The following TEAD1 variants were observed in gnomAD, a reference collection of about 807,000 sequenced individuals.
TEAD1 encodes the protein TEA domain transcription factor 1.
Under a neutral mutation model 54.9 loss-of-function variants are expected in TEAD1, and 9 were observed. The ratio of observed to expected loss-of-function variants is 0.16; its 90% CI spans 0.10 to 0.29. The LOEUF is 0.29. Among genes scored for constraint, TEAD1 ranks in the 10% least tolerant of loss-of-function variants. TEAD1 has a pLI of 1.00. For missense variants in TEAD1, 387 were observed against 535.9 expected, an observed-to-expected ratio of 0.72 and a Z score of 2.74; for synonymous variants, 200 against 187.8, an observed-to-expected ratio of 1.07 and a Z score of -0.53.
At chr11:12,901,810 G>A in intron 9 of TEAD1, 130 bp from the exon 10 acceptor site, 1 of 1,014,644 alleles carries the variant, frequency 9.9e-7, no homozygotes, top group Middle Eastern at 3.0e-4. Context: ...CATTTCAAAA[G>A]CATTGATCCT....
intron 3 of TEAD1, among the ~76,000 whole-genome samples, chr11:12,789,921 T>C (rs75062746): frequency 0.051 from 7,788 of 152,340 alleles, 658 homozygotes; most frequent in African/African-American, 0.18. Context: ...GGGCTGCTGC[T>C]TCCAGCTGCT....
chr11:12,679,235 C>G (rs1362077188), intron 2 of TEAD1, among the ~76,000 whole-genome samples: 1 of 152,136 alleles, frequency 6.6e-6, no homozygotes, highest in Non-Finnish European at 1.5e-5. Flanking sequence ...ACTACACCCA[C>G]CCCGCCTTGT....
At chr11:12,881,741 T>C (rs1366930289) in intron 7 of TEAD1, among the ~76,000 whole-genome samples, 155 bp from the exon 8 acceptor site, 2 of 152,172 alleles carry the variant, frequency 1.3e-5, no homozygotes, top group African/African-American at 4.8e-5. Context: ...TCTCAGTTTA[T>C]GGAACAACTG....
intron 2 of TEAD1, among the ~76,000 whole-genome samples, chr11:12,707,441 T>A (rs1277887477): frequency 2.6e-5 from 4 of 152,242 alleles, no homozygotes; most frequent in African/African-American, 4.8e-5. Context: ...TCACAAAGTC[T>A]GTGCACCAGA....
At position 12,734,343 on chromosome 11, in the gene TEAD1, T is replaced by C. The variant is rs183971405; in HGVS notation, c.-54-29836T>C. Among the ~76,000 whole-genome samples, 11 of 152,356 alleles carry C rather than the reference T, an allele frequency of 7.2e-5. No homozygotes were observed. In the East Asian group the frequency reaches 7.7e-4, roughly 11 times the overall value. ...GTTTGTGTTTTTAAGCTAAGTGTTA[T>C]TACAAATGAGTCAAAAGTTAAAAAT... On this transcript the variant is annotated intron_variant, in intron 2 of 12. Transcript: ENST00000527636.
intron 3 of TEAD1, among the ~76,000 whole-genome samples, chr11:12,814,103 C>T (rs568728354): frequency 4.6e-5 from 7 of 152,304 alleles, no homozygotes; most frequent in African/African-American, 1.4e-4. Flanking sequence ...CTGCCTGCTA[C>T]GCTCACTGGT....
chr11:12,802,742 G>A (rs986031453), intron 3 of TEAD1, among the ~76,000 whole-genome samples: 7 of 152,196 alleles, frequency 4.6e-5, no homozygotes, highest in Non-Finnish European at 1.0e-4. Context: ...TGAGCGATGT[G>A]CCGATTGCGC....
chr11:12,693,846 A>G (rs1195061742), intron 2 of TEAD1, among the ~76,000 whole-genome samples: 10 of 152,216 alleles, frequency 6.6e-5, no homozygotes, highest in Non-Finnish European at 1.5e-4. Flanking sequence ...TACAAGCCTC[A>G]TAGTTCTTGG....
intron 9 of TEAD1, among the ~76,000 whole-genome samples, chr11:12,892,125 A>G (rs1160261977): frequency 6.6e-6 from 1 of 152,230 alleles, no homozygotes; most frequent in Non-Finnish European, 1.5e-5. Flanking sequence ...CAGTTGGTCA[A>G]ACGTGGGCCC....
chr11:12,921,772 C>T (rs1948811464), intron 10 of TEAD1, among the ~76,000 whole-genome samples: 1 of 151,992 alleles, frequency 6.6e-6, no homozygotes, highest in African/African-American at 2.4e-5. Flanking sequence ...AGCCCCTCTG[C>T]CCTGGAGACT....
chr11:12,879,969 G>A, intron 6 of TEAD1, 127 bp downstream of exon 6: 1 of 1,394,328 alleles, frequency 7.2e-7, no homozygotes, highest in Non-Finnish European at 9.9e-7. Flanking sequence ...AGGCTACCTT[G>A]TCAACTGATA....
chr11:12,740,505 C>A (rs988994156), intron 2 of TEAD1, among the ~76,000 whole-genome samples: 11 of 152,068 alleles, frequency 7.2e-5, no homozygotes, highest in Non-Finnish European at 1.3e-4. Flanking sequence ...CATACCTGAA[C>A]GTGGGTAATT....
chr11:12,845,400 G>A (rs1947126111), intron 3 of TEAD1, among the ~76,000 whole-genome samples: 2 of 152,234 alleles, frequency 1.3e-5, no homozygotes, highest in South Asian at 2.1e-4. Context: ...GTGCGCACAC[G>A]CACACACAGT....
chr11:12,871,090 T>C (rs2134081504), intron 5 of TEAD1, among the ~76,000 whole-genome samples: 1 of 152,244 alleles, frequency 6.6e-6, no homozygotes, highest in Non-Finnish European at 1.5e-5. Flanking sequence ...TGGGCCTGAG[T>C]CTACTTCTAA....
chr11:12,754,137 C>T (rs1944937313), intron 2 of TEAD1, among the ~76,000 whole-genome samples: 1 of 152,208 alleles, frequency 6.6e-6, no homozygotes, highest in African/African-American at 2.4e-5. Flanking sequence ...CTAAGCTTTG[C>T]ATTGAGGTTT....
chr11:12,909,360 T>C (rs1193497278), intron 10 of TEAD1, among the ~76,000 whole-genome samples: 2 of 152,172 alleles, frequency 1.3e-5, no homozygotes, highest in African/African-American at 4.8e-5. Context: ...AGGAATGAGA[T>C]CATGTCCTTT....
intron 3 of TEAD1, among the ~76,000 whole-genome samples, chr11:12,835,815 C>T (rs2134024397): frequency 6.6e-6 from 1 of 152,244 alleles, no homozygotes; most frequent in Admixed American, 6.5e-5. Context: ...TATTTGAAAG[C>T]ATTAATATTT....
chr11:12,887,387 G>A (rs929749863), intron 9 of TEAD1, among the ~76,000 whole-genome samples: 4 of 152,154 alleles, frequency 2.6e-5, no homozygotes, highest in African/African-American at 9.7e-5. Flanking sequence ...GAACCACCGT[G>A]CCCGGCCGCA....
At chr11:12,885,970 G>T (rs990476749) in intron 9 of TEAD1, among the ~76,000 whole-genome samples, 1 of 152,216 alleles carries the variant, frequency 6.6e-6, no homozygotes, top group Non-Finnish European at 1.5e-5. Context: ...AGACAGACAC[G>T]AAACAGATGA....
Sources: allele counts gnomAD v4.1 joint callset (sites outside exome capture counted in the v4.1 genomes callset), GRCh38; gene constraint gnomAD v4.1.1; transcripts MANE v1.5; gene names NCBI Gene and HGNC (gene_info 2026-07-23, HGNC 2026-07-21).